Variants in SHANK2 observed in about 807,000 individuals in gnomAD.
The protein encoded by SHANK2 is SH3 and multiple ankyrin repeat domains 2.
SHANK2 carries 43 observed loss-of-function variants against 133.7 expected under a neutral mutation model. The observed-to-expected ratio is 0.32, with a 90% CI of 0.25 to 0.41. SHANK2 has a LOEUF of 0.41. Ranked by LOEUF, SHANK2 falls within the 10% of genes least tolerant of loss-of-function variation. The pLI is 1.00. For synonymous variants in SHANK2, 1,017 were observed against 952.8 expected, an observed-to-expected ratio of 1.07 and a Z score of -1.24; for missense variants, 1,994 against 2,235.8, an observed-to-expected ratio of 0.89 and a Z score of 2.18.
Position 70,896,672 on chromosome 11 carries a change from G to C in SHANK2, c.1108-105C>G, listed in dbSNP as rs182651156. The C allele has an allele frequency of 7.1e-4, 459 of 645,882 alleles. 1 individual carries two copies. The highest frequency in any genetic ancestry group is 1.4e-4 in the Non-Finnish European group (50 of 349,876). 40.0% of individuals were successfully genotyped at this position (645,882 alleles called of 1,614,324 possible). On this transcript the variant is annotated intron_variant, in intron 10 of 25. Coordinates refer to ENST00000601538, the MANE Select transcript of SHANK2 (RefSeq NM_012309.5). ...CCTAACACCAAAAGAAGTCCAATCA[G>C]AACCTTTAAAATGGCAGCCGCAATA...
intron 10 of SHANK2, among the ~76,000 whole-genome samples, chr11:70,936,371 G>A (rs1265919364): frequency 6.6e-6 from 1 of 152,042 alleles, no homozygotes; most frequent in Non-Finnish European, 1.5e-5. Context: ...AATTAGCCAG[G>A]CATGGTGGCA....
At chr11:71,200,859 C>T (rs187742601) in intron 2 of SHANK2, among the ~76,000 whole-genome samples, 97 of 151,026 alleles carry the variant, frequency 6.4e-4, no homozygotes, top group African/African-American at 2.2e-3. Context: ...CACACACACA[C>T]ACACACTTCA....
intron 14 of SHANK2, among the ~76,000 whole-genome samples, chr11:70,747,916 T>C (rs1946676144): frequency 1.3e-5 from 2 of 152,288 alleles, no homozygotes; most frequent in South Asian, 4.1e-4. Context: ...CATACGTGTA[T>C]GTGCACATAT....
At chr11:71,065,947 G>C (rs1264905544) in intron 9 of SHANK2, among the ~76,000 whole-genome samples, 8 of 111,428 alleles carry the variant, frequency 7.2e-5, no homozygotes, top group Admixed American at 4.9e-4. Flanking sequence ...GCGGGGTACA[G>C]AAGTCTCCCA....
chr11:70,567,648 GA>G (rs1470678714), intron 17 of SHANK2, among the ~76,000 whole-genome samples: 1 of 151,204 alleles, frequency 6.6e-6, no homozygotes, highest in Non-Finnish European at 1.5e-5. Context: ...AAAAAAAAAA[GA>G]ACTGGAGATG....
intron 1 of SHANK2, among the ~76,000 whole-genome samples, chr11:71,233,579 A>G (rs1411676618): frequency 1.3e-5 from 2 of 152,166 alleles, no homozygotes; most frequent in Non-Finnish European, 2.9e-5. Context: ...CTAATTTACT[A>G]AAAAACACGG....
intron 9 of SHANK2, among the ~76,000 whole-genome samples, chr11:71,065,984 T>G: frequency 5.8e-5 from 3 of 51,924 alleles, no homozygotes; most frequent in East Asian, 5.9e-4. Flanking sequence ...GTGGGGAAGT[T>G]GGGAGGGGAG....
chr11:71,204,477 C>T (rs182437418), intron 2 of SHANK2, among the ~76,000 whole-genome samples: 6 of 152,124 alleles, frequency 3.9e-5, no homozygotes, highest in African/African-American at 7.2e-5. Context: ...TGACAGGCTC[C>T]GACGGGAAGA....
intron 12 of SHANK2, among the ~76,000 whole-genome samples, chr11:70,815,001 C>T (rs905621896): frequency 9.9e-5 from 15 of 152,180 alleles, no homozygotes; most frequent in African/African-American, 3.4e-4. Flanking sequence ...AGAGCAGGGA[C>T]TCAGGTGTCT....
chr11:70,552,576 T>C (rs1187248112), intron 17 of SHANK2, among the ~76,000 whole-genome samples: 1 of 152,214 alleles, frequency 6.6e-6, no homozygotes, highest in Non-Finnish European at 1.5e-5. Flanking sequence ...CGTCACTTTC[T>C]ACCCAAGATG....
chr11:70,660,896 A>G (rs567017448), intron 16 of SHANK2, among the ~76,000 whole-genome samples: 13 of 152,334 alleles, frequency 8.5e-5, no homozygotes, highest in African/African-American at 3.1e-4. Flanking sequence ...GCTGAGCCAC[A>G]CACACAGTGG....
chr11:71,075,953 G>A (rs1280905152), intron 8 of SHANK2, among the ~76,000 whole-genome samples: 4 of 152,150 alleles, frequency 2.6e-5, no homozygotes, highest in Non-Finnish European at 5.9e-5. Context: ...CAGAACTTTC[G>A]CCTGAGTACC....
chr11:70,639,173 T>G (rs1024094786), intron 17 of SHANK2, among the ~76,000 whole-genome samples: 1 of 152,212 alleles, frequency 6.6e-6, no homozygotes, highest in Non-Finnish European at 1.5e-5. Flanking sequence ...GCCTCTGTGT[T>G]GGGGACCCAG....
chr11:70,518,722 G>C (rs2059295912), intron 17 of SHANK2, among the ~76,000 whole-genome samples: 1 of 152,186 alleles, frequency 6.6e-6, no homozygotes, highest in Non-Finnish European at 1.5e-5. Context: ...AGCTGCTTGG[G>C]TCTTTCTGCG....
chr11:70,818,458 A>G (rs1948447915), intron 12 of SHANK2, among the ~76,000 whole-genome samples: 1 of 152,184 alleles, frequency 6.6e-6, no homozygotes, highest in African/African-American at 2.4e-5. Context: ...TCTAGTCTGC[A>G]GCCAGCTCAA....
intron 2 of SHANK2, among the ~76,000 whole-genome samples, chr11:71,206,308 C>T (rs533725538): frequency 2.6e-5 from 4 of 152,260 alleles, no homozygotes; most frequent in East Asian, 1.9e-4. Context: ...CTCCTCTGTG[C>T]GTTTAGTTAA....
chr11:70,735,816 A>G (rs1280320500), intron 14 of SHANK2, among the ~76,000 whole-genome samples: 2 of 151,710 alleles, frequency 1.3e-5, no homozygotes, highest in Admixed American at 6.6e-5. Flanking sequence ...CACTGGCCCA[A>G]CTTGAGGTTC....
At chr11:70,894,907 T>G (rs1949909950) in intron 11 of SHANK2, among the ~76,000 whole-genome samples, 1 of 152,252 alleles carries the variant, frequency 6.6e-6, no homozygotes, top group Non-Finnish European at 1.5e-5. Flanking sequence ...AAAGCTATCC[T>G]GTGTGCTGCT....
rs181077437 is a variant in SHANK2, at chr11:71,202,208, G to T, written c.-13+22489C>A. 2.0e-5 allele frequency among the ~76,000 whole-genome samples: 3 copies of T among 152,342 alleles called. 1 individual carries two copies. The highest frequency in any genetic ancestry group is 2.0e-4 in the Admixed American group (3 of 15,306). On this transcript the variant is annotated intron_variant, in intron 2 of 25. Transcript: ENST00000601538. ...TGGTGGACACACCCTTCTGCCGGGT[G>T]GCAGCCCAGATCAGGAACTCACCTC...
Sources: allele counts gnomAD v4.1 joint callset (sites outside exome capture counted in the v4.1 genomes callset), GRCh38; gene constraint gnomAD v4.1.1; transcripts MANE v1.5; gene names NCBI Gene and HGNC (gene_info 2026-07-23, HGNC 2026-07-21).